The following THSD4 variants were observed in gnomAD, a reference collection of about 807,000 sequenced individuals.
The protein encoded by THSD4 is thrombospondin type-1 domain-containing protein 4.
In THSD4, 69 loss-of-function variants were observed where a neutral mutation model predicts 119.0. The ratio of observed to expected loss-of-function variants is 0.58; its 90% confidence interval spans 0.48 to 0.71. THSD4 has a LOEUF of 0.71. THSD4 is among the 30% of genes least tolerant of loss of function. The pLI is 0.00. For missense variants in THSD4, 1,393 were observed against 1,391.1 expected (o/e 1.00, Z -0.02); for synonymous variants, 524 against 540.4 (o/e 0.97, Z 0.42).
chr15:71,423,553 A>C (rs1261750032), intron 7 of THSD4, among the ~76,000 whole-genome samples: 1 of 152,180 alleles, frequency 6.6e-6, no homozygotes, highest in Admixed American at 6.5e-5. Flanking sequence ...GTGGTGGATG[A>C]GACAAAGACC....
chr15:71,670,718 T>TC (rs574382519), intron 8 of THSD4, among the ~76,000 whole-genome samples: 1 of 151,434 alleles, frequency 6.6e-6, no homozygotes, highest in Non-Finnish European at 1.5e-5. Context: ...ATTGTTCATT[T>TC]CCCCCCTATG....
chr15:71,439,920 C>T (rs539162963), intron 7 of THSD4, among the ~76,000 whole-genome samples: 23 of 152,142 alleles, frequency 1.5e-4, no homozygotes, highest in East Asian at 5.8e-4. Flanking sequence ...ATGTAGGTGA[C>T]GGGTTGATGG....
intron 7 of THSD4, among the ~76,000 whole-genome samples, chr15:71,556,473 A>C (rs1484619175): frequency 6.6e-6 from 1 of 152,110 alleles, no homozygotes; most frequent in Non-Finnish European, 1.5e-5. Context: ...TCATCTGGCC[A>C]TGGTGGCTCA....
At chr15:71,598,427 C>T (rs750032427) in intron 7 of THSD4, among the ~76,000 whole-genome samples, 2 of 152,022 alleles carry the variant, frequency 1.3e-5, no homozygotes, top group Non-Finnish European at 2.9e-5. Context: ...AGGAGGTATA[C>T]GTGATATCAA....
intron 8 of THSD4, among the ~76,000 whole-genome samples, chr15:71,708,027 A>G (rs1453746191): frequency 6.6e-6 from 1 of 152,168 alleles, no homozygotes; most frequent in Non-Finnish European, 1.5e-5. Flanking sequence ...ATTGTTTTTA[A>G]GAGAGTTAAC....
chr15:71,371,233 G>T (rs960020755), intron 6 of THSD4, among the ~76,000 whole-genome samples: 2 of 152,066 alleles, frequency 1.3e-5, no homozygotes, highest in African/African-American at 4.8e-5. Context: ...TCTTTATCCA[G>T]TTTGCCAGTT....
At chr15:71,518,370 G>A (rs2140777600) in intron 7 of THSD4, among the ~76,000 whole-genome samples, 1 of 152,246 alleles carries the variant, frequency 6.6e-6, no homozygotes, top group African/African-American at 2.4e-5. Context: ...GTGATGATCT[G>A]CTGTCTTTCT....
At chr15:71,116,318 G>A (rs1374815970) in intron 1 of THSD4, among the ~76,000 whole-genome samples, 2 of 152,264 alleles carry the variant, frequency 1.3e-5, no homozygotes, top group South Asian at 4.1e-4. Context: ...GCCCCTTGGC[G>A]CACTTACAGA....
At chr15:71,288,729 C>T (rs2044751460) in intron 6 of THSD4, among the ~76,000 whole-genome samples, 2 of 152,212 alleles carry the variant, frequency 1.3e-5, no homozygotes, top group Non-Finnish European at 2.9e-5. Flanking sequence ...CCGTATCTTA[C>T]TAATCACAAC....
chr15:71,303,769 T>C (rs1239531633), intron 6 of THSD4, among the ~76,000 whole-genome samples: 1 of 152,168 alleles, frequency 6.6e-6, no homozygotes, highest in African/African-American at 2.4e-5. Flanking sequence ...TAGCCTATTG[T>C]AGTGACTCTG....
At chr15:71,415,795 TTTTG>T (rs904404215) in intron 7 of THSD4, among the ~76,000 whole-genome samples, 3 of 152,238 alleles carry the variant, frequency 2.0e-5, no homozygotes, top group Non-Finnish European at 2.9e-5. Context: ...AAGTTTGTCT[TTTTG>T]TTTGTTTGTT....
At chr15:71,626,967 G>A (rs541053547) in intron 7 of THSD4, among the ~76,000 whole-genome samples, 9 of 152,264 alleles carry the variant, frequency 5.9e-5, no homozygotes, top group South Asian at 4.1e-4. Context: ...AACTGTCTAC[G>A]TCTAATATTT....
chr15:71,306,479 ACT>A (rs2045032137), intron 6 of THSD4, among the ~76,000 whole-genome samples: 3 of 151,996 alleles, frequency 2.0e-5, no homozygotes, highest in East Asian at 1.9e-4. Flanking sequence ...ATTTCAGTAC[ACT>A]CTCTGCTTCT....
intron 7 of THSD4, among the ~76,000 whole-genome samples, chr15:71,462,835 T>G (rs1055669461): frequency 2.0e-5 from 3 of 152,260 alleles, no homozygotes; most frequent in Non-Finnish European, 4.4e-5. Flanking sequence ...TCCATTCATT[T>G]GTGTGACAAG....
chr15:71,722,376 A>G (rs575032732), intron 8 of THSD4, among the ~76,000 whole-genome samples: 1 of 152,352 alleles, frequency 6.6e-6, no homozygotes, highest in African/African-American at 2.4e-5. Flanking sequence ...ATGAGTGAGT[A>G]ATAGTAATAG....
At chr15:71,110,127 G>A (rs532929132) in intron 1 of THSD4, 6 of 152,324 alleles carry the variant, frequency 3.9e-5, no homozygotes, top group African/African-American at 1.4e-4. Context: ...TGCTCCAGTT[G>A]TCTTGGAGAT....
intron 7 of THSD4, among the ~76,000 whole-genome samples, chr15:71,562,109 C>G (rs2049132314): frequency 6.6e-6 from 1 of 152,106 alleles, no homozygotes; most frequent in Non-Finnish European, 1.5e-5. Flanking sequence ...GTTGTTTAAC[C>G]CAGACCTGGA....
intron 7 of THSD4, among the ~76,000 whole-genome samples, chr15:71,593,954 CTGTT>C (rs1042830913): frequency 6.8e-6 from 1 of 146,310 alleles, no homozygotes; most frequent in African/African-American, 2.5e-5. Context: ...AAATTAGTGA[CTGTT>C]TGAAATCACT....
intron 1 of THSD4, among the ~76,000 whole-genome samples, chr15:71,131,242 C>T (rs988883704): frequency 2.0e-5 from 3 of 151,740 alleles, no homozygotes; most frequent in African/African-American, 7.3e-5. Context: ...AGATGTCCAG[C>T]AGAAAATCAC....
Sources: allele counts gnomAD v4.1 joint callset (sites outside exome capture counted in the v4.1 genomes callset), GRCh38; gene constraint gnomAD v4.1.1; transcripts MANE v1.5; gene names NCBI Gene and HGNC (gene_info 2026-07-23, HGNC 2026-07-21).